Variants in PARD3B observed in about 807,000 individuals in gnomAD.
The protein encoded by PARD3B is par-3 family cell polarity regulator beta.
A neutral mutation model predicts 130.2 loss-of-function variants in PARD3B; 103 were observed. The ratio of observed to expected loss-of-function variants is 0.79; its 90% CI spans 0.67 to 0.93. The LOEUF is 0.93. Among genes scored for constraint, PARD3B ranks in the 40% least tolerant of loss-of-function variants. The pLI is 0.00. For missense variants in PARD3B, 1,609 were observed against 1,499.2 expected, an observed-to-expected ratio of 1.07 and a Z score of -1.21; for synonymous variants, 583 against 553.2, an observed-to-expected ratio of 1.05 and a Z score of -0.76.
intron 20 of PARD3B, among the ~76,000 whole-genome samples, chr2:205,498,202 A>G (rs1207875139): frequency 2.1e-5 from 3 of 145,966 alleles, no homozygotes; most frequent in Non-Finnish European, 3.0e-5. Flanking sequence ...TCTGACTAAA[A>G]AAAAAAAAAA....
chr2:205,537,076 A>T (rs2051894950), intron 21 of PARD3B, among the ~76,000 whole-genome samples: 1 of 152,160 alleles, frequency 6.6e-6, no homozygotes, highest in Admixed American at 6.5e-5. Context: ...AGAGTTCCTT[A>T]TATATTCTTT....
chr2:205,386,518 T>A (rs183321285), intron 18 of PARD3B, among the ~76,000 whole-genome samples: 12 of 152,280 alleles, frequency 7.9e-5, no homozygotes, highest in African/African-American at 2.6e-4. Flanking sequence ...AAGGGGAAAG[T>A]TATCCAGTCT....
intron 1 of PARD3B, among the ~76,000 whole-genome samples, chr2:204,547,329 A>G (rs2030054582): frequency 6.6e-6 from 1 of 152,190 alleles, no homozygotes; most frequent in Non-Finnish European, 1.5e-5. Context: ...GATACTCAAG[A>G]ACTGGAGGAG....
intron 4 of PARD3B, among the ~76,000 whole-genome samples, chr2:205,076,273 A>G (rs752264602): frequency 6.6e-5 from 10 of 152,214 alleles, no homozygotes; most frequent in Non-Finnish European, 1.3e-4. Context: ...TTGGTCACCA[A>G]TGCTTCAAAC....
chr2:205,522,128 A>C (rs1378029300), intron 21 of PARD3B, among the ~76,000 whole-genome samples: 1 of 145,604 alleles, frequency 6.9e-6, no homozygotes, highest in Non-Finnish European at 1.5e-5. Context: ...TTTTGTTTTC[A>C]TTTATTTTTA....
intron 18 of PARD3B, among the ~76,000 whole-genome samples, chr2:205,386,868 C>G (rs1379289543): frequency 2.0e-5 from 3 of 152,034 alleles, no homozygotes; most frequent in African/African-American, 7.2e-5. Context: ...AACATGATCT[C>G]ACAGATCCCC....
chr2:205,187,798 C>T lies in PARD3B; in HGVS notation c.2024+1935C>T, dbSNP rs1300688081. 6.6e-6 allele frequency among the ~76,000 whole-genome samples: 1 copy of T among 152,160 alleles called. No individual in the cohort carries two copies. The highest frequency in any genetic ancestry group is 1.5e-5 in the Non-Finnish European group (1 of 68,038). ...TTCTTTTCACGTCTTCCTTCCTAGT[C>T]CCGTGTGTTTTAGGCCTCTGTTCTC... On this transcript the variant is annotated intron_variant, in intron 14 of 22. Transcript: ENST00000406610. This position sits in a 1 kb window ranked among gnomAD's most constrained non-coding sequence, Gnocchi z 4.9.
chr2:205,613,121 G>A (rs1277950311), intron 22 of PARD3B, among the ~76,000 whole-genome samples: 1 of 152,196 alleles, frequency 6.6e-6, no homozygotes, highest in Non-Finnish European at 1.5e-5. Context: ...CCAAGGCCTG[G>A]AATTCTTCCT....
chr2:204,935,270 C>T (rs1688336749), intron 2 of PARD3B, among the ~76,000 whole-genome samples: 1 of 151,246 alleles, frequency 6.6e-6, no homozygotes, highest in South Asian at 2.1e-4. Context: ...TGGCTCACGC[C>T]TGTAATCCCA....
At position 205,473,684 on chromosome 2, in the gene PARD3B, G is replaced by GTATATATA. The variant is rs369766633; in HGVS notation, c.3045-26193_3045-26186dup. On this transcript the variant is annotated intron_variant, in intron 20 of 22. Coordinates refer to ENST00000406610, the MANE Select transcript of PARD3B (RefSeq NM_001302769.2). This position sits in a 1 kb window ranked among gnomAD's most constrained non-coding sequence, Gnocchi z 4.9. ...TGTGTGTGTGTGTGTGTGTGTGTAT[G>GTATATATA]TATATATATATATATATATATATAT... Among the ~76,000 whole-genome samples, 13 of 114,620 alleles carry GTATATATA rather than the reference G, an allele frequency of 1.1e-4. No individual in the cohort carries two copies. Among genetic ancestry groups the GTATATATA allele is most frequent in the East Asian group, 8.2e-4 (3 of 3,648 alleles). The allele number at this position is 114,620 out of a possible 152,430, so 75.2% of individuals were successfully genotyped here.
intron 2 of PARD3B, among the ~76,000 whole-genome samples, chr2:204,783,414 T>G (rs1253127318): frequency 6.6e-6 from 1 of 152,080 alleles, no homozygotes; most frequent in East Asian, 1.9e-4. Flanking sequence ...GGACCAATCT[T>G]ACAGGATTTG....
At chr2:205,086,945 T>TA (rs1701777542) in intron 4 of PARD3B, among the ~76,000 whole-genome samples, 1 of 152,222 alleles carries the variant, frequency 6.6e-6, no homozygotes, top group African/African-American at 2.4e-5. Context: ...GTGTTGTAAA[T>TA]ACAGCAGATA....
rs755005187 is a variant in PARD3B, at chr2:205,421,713, G to A, written c.2742-18657G>A. On this transcript the variant is annotated intron_variant, in intron 19 of 22. Coordinates refer to ENST00000406610, the MANE Select transcript of PARD3B (RefSeq NM_001302769.2). The surrounding 1 kb of genome is among the most constrained non-coding windows in gnomAD (Gnocchi z 5.1). ...AACAACATAAATTTATTCTCTTAAC[G>A]TTTTGGAGGCCATAATTCTGAAGTT... Among the ~76,000 whole-genome samples, 20 of 152,214 alleles carry A rather than the reference G, an allele frequency of 1.3e-4. No homozygotes were observed. The highest frequency in any genetic ancestry group is 2.1e-4 in the South Asian group (1 of 4,826).
intron 13 of PARD3B, among the ~76,000 whole-genome samples, chr2:205,181,203 G>A (rs7558458): frequency 0.76 from 115,189 of 152,046 alleles, 44,041 homozygotes; most frequent in African/African-American, 0.82. Context: ...CTCTGGATCC[G>A]TATTCCCTGG....
At chr2:204,596,691 G>A (rs1409023730) in intron 1 of PARD3B, among the ~76,000 whole-genome samples, 1 of 152,182 alleles carries the variant, frequency 6.6e-6, no homozygotes, top group Admixed American at 6.5e-5. Flanking sequence ...CACTTTGGGA[G>A]GCCGAGGCAG....
intron 16 of PARD3B, among the ~76,000 whole-genome samples, chr2:205,270,857 G>A (rs1032528742): frequency 6.6e-6 from 1 of 152,024 alleles, no homozygotes; most frequent in Non-Finnish European, 1.5e-5. Flanking sequence ...TCTTCCCCCA[G>A]ACGGCTTTAA....
intron 3 of PARD3B, among the ~76,000 whole-genome samples, chr2:205,001,075 G>T (rs1239083298): frequency 1.3e-5 from 2 of 152,050 alleles, no homozygotes; most frequent in Non-Finnish European, 2.9e-5. Context: ...TGCAACCTCT[G>T]CCTCCCAGGT....
intron 19 of PARD3B, among the ~76,000 whole-genome samples, chr2:205,420,594 G>A (rs1010486934): frequency 6.6e-6 from 1 of 152,104 alleles, no homozygotes; most frequent in African/African-American, 2.4e-5. Flanking sequence ...TGGGTGAGGA[G>A]GATGCTGCCT....
At chr2:204,835,793 A>G (rs1424410834) in intron 2 of PARD3B, among the ~76,000 whole-genome samples, 1 of 152,188 alleles carries the variant, frequency 6.6e-6, no homozygotes, top group Non-Finnish European at 1.5e-5. Context: ...GTTGTTCAAG[A>G]CTTCATTATA....
Sources: gnomAD v4.1 joint callset for allele counts (sites outside exome capture counted in the v4.1 genomes callset) on GRCh38, gnomAD v4.1.1 for gene constraint, Gnocchi (gnomAD v3.1) non-coding constraint, MANE v1.5 for transcripts, NCBI Gene and HGNC (gene_info 2026-07-23, HGNC 2026-07-21) for gene names.